ROR1: variants seen among roughly 807,000 people sequenced by gnomAD.
ROR1 encodes inactive tyrosine-protein kinase transmembrane receptor ROR1.
In ROR1, 19 loss-of-function variants were observed where a neutral mutation model predicts 78.8. The ratio of observed to expected loss-of-function variants is 0.24; its 90% confidence interval spans 0.17 to 0.35. The LOEUF is 0.35. ROR1 is among the 10% of genes least tolerant of loss of function. The pLI, the probability that ROR1 is intolerant of heterozygous loss-of-function variation, is 1.00. For synonymous variants in ROR1, 386 were observed against 433.6 expected, an observed-to-expected ratio of 0.89 and a Z score of 1.36; for missense variants, 917 against 1,177.8, an observed-to-expected ratio of 0.78 and a Z score of 3.24.
chr1:63,834,472 C>T (rs1645008114), intron 1 of ROR1, among the ~76,000 whole-genome samples: 1 of 152,264 alleles, frequency 6.6e-6, no homozygotes, highest in Non-Finnish European at 1.5e-5. Flanking sequence ...AGGAGGGGTA[C>T]TGCTGTTTAC....
At chr1:63,872,582 G>A (rs567366634) in intron 1 of ROR1, among the ~76,000 whole-genome samples, 1 of 152,154 alleles carries the variant, frequency 6.6e-6, no homozygotes, top group African/African-American at 2.4e-5. Context: ...ACACCACCAA[G>A]TTGAATTCCT....
chr1:64,066,318 CTTTT>C (rs747396331), intron 4 of ROR1, among the ~76,000 whole-genome samples: 1 of 139,864 alleles, frequency 7.1e-6, no homozygotes, highest in Non-Finnish European at 1.6e-5. Flanking sequence ...TTTAAACTCA[CTTTT>C]TTTTTTTTTT....
intron 2 of ROR1, among the ~76,000 whole-genome samples, chr1:64,040,240 A>G (rs1014245378): frequency 1.3e-5 from 2 of 152,188 alleles, no homozygotes; most frequent in African/African-American, 4.8e-5. Flanking sequence ...AAGATTGGGA[A>G]TATTTCACCA....
intron 1 of ROR1, among the ~76,000 whole-genome samples, chr1:63,789,875 G>A (rs12731519): frequency 6.6e-6 from 1 of 151,868 alleles, no homozygotes; most frequent in Admixed American, 6.6e-5. Context: ...ATTTTTCAAA[G>A]CAAGGATCCA....
At chr1:63,934,107 A>T (rs1243423983) in intron 1 of ROR1, among the ~76,000 whole-genome samples, 1 of 152,162 alleles carries the variant, frequency 6.6e-6, no homozygotes, top group Non-Finnish European at 1.5e-5. Flanking sequence ...TAAAGCAGTG[A>T]TAAACATCCC....
At chr1:63,780,536 A>G (rs1212707881) in intron 1 of ROR1, among the ~76,000 whole-genome samples, 2 of 152,238 alleles carry the variant, frequency 1.3e-5, no homozygotes, top group Admixed American at 1.3e-4. Context: ...AGCCACCATC[A>G]TTATCAAGGG....
At chr1:63,884,694 A>G (rs1006259268) in intron 1 of ROR1, among the ~76,000 whole-genome samples, 1 of 152,206 alleles carries the variant, frequency 6.6e-6, no homozygotes, top group Non-Finnish European at 1.5e-5. Flanking sequence ...GTCTGTCTCC[A>G]CAAACAACTC....
At chr1:63,853,172 C>T (rs1032883807) in intron 1 of ROR1, among the ~76,000 whole-genome samples, 1 of 152,208 alleles carries the variant, frequency 6.6e-6, no homozygotes, top group Non-Finnish European at 1.5e-5. Context: ...CTCCCAGCAT[C>T]ATAGTCACCA....
At chr1:63,838,692 G>T (rs752345366) in intron 1 of ROR1, among the ~76,000 whole-genome samples, 9 of 152,096 alleles carry the variant, frequency 5.9e-5, no homozygotes, top group Non-Finnish European at 1.0e-4. Context: ...TAAATCTAGT[G>T]TAGCCTAGGG....
intron 1 of ROR1, among the ~76,000 whole-genome samples, chr1:63,879,743 C>T (rs1444610827): frequency 3.3e-5 from 5 of 152,098 alleles, no homozygotes; most frequent in African/African-American, 9.7e-5. Context: ...GAACTTCCCT[C>T]AAAACAGACC....
In ROR1 at chr1:64,178,822, A is replaced by G. The variant is rs368985604; in HGVS notation, c.2781A>G (p.Gly927=). Residue 927 remains glycine (G), a synonymous_variant, in exon 9 of 9, where the codon GGA becomes GGG. Coordinates refer to ENST00000371079, the MANE Select transcript of ROR1 (RefSeq NM_005012.4). The surrounding 1 kb of genome is among the most constrained non-coding windows in gnomAD (Gnocchi z 4.3). ...ASLLGDANIH[G]HTESMISAEL ...TACTAGGAGACGCCAATATTCATGGACACACCGAATCTATGATTTCTGCAG... is the reference window on the plus strand; with the variant it reads ...TACTAGGAGACGCCAATATTCATGGGCACACCGAATCTATGATTTCTGCAG... 6.2e-6 allele frequency: 10 copies of G among 1,613,906 alleles called. No homozygotes were observed. In the African/African-American group the frequency reaches 1.1e-4, roughly 17 times the overall value.
rs553914649 is a variant in ROR1, at chr1:63,879,149, T to C, written c.91+104641T>C. ...AAAGCTTTATTTATTTAAATAGGAG[T>C]CTCATAAGGAAGGCAGAAAAAGGAA... On this transcript the variant is annotated intron_variant, in intron 1 of 8. Coordinates refer to ENST00000371079, the MANE Select transcript of ROR1 (RefSeq NM_005012.4). Among the ~76,000 whole-genome samples, 28 of 151,726 alleles carry C rather than the reference T, an allele frequency of 1.8e-4. No individual in the cohort carries two copies. The South Asian group carries it at 5.8e-3, about 32-fold the overall frequency.
chr1:63,877,647 T>C (rs1280322409), intron 1 of ROR1, among the ~76,000 whole-genome samples: 1 of 152,132 alleles, frequency 6.6e-6, no homozygotes, highest in African/African-American at 2.4e-5. Flanking sequence ...TAAATAGCAT[T>C]GCTTCTTACA....
At chr1:63,946,838 C>T (rs937061761) in intron 1 of ROR1, among the ~76,000 whole-genome samples, 6 of 152,176 alleles carry the variant, frequency 3.9e-5, no homozygotes, top group African/African-American at 9.7e-5. Context: ...TAATGCCAGA[C>T]GTGATCTTGT....
At chr1:64,162,749 A>G (rs1220644835) in intron 8 of ROR1, among the ~76,000 whole-genome samples, 2 of 152,210 alleles carry the variant, frequency 1.3e-5, no homozygotes, top group Non-Finnish European at 2.9e-5. Context: ...AGGATTTTCT[A>G]TATTGCATTA....
chr1:64,122,103 A>G (rs985509457), intron 4 of ROR1, among the ~76,000 whole-genome samples: 2 of 152,156 alleles, frequency 1.3e-5, no homozygotes, highest in Non-Finnish European at 2.9e-5. Flanking sequence ...GGAATTTTCT[A>G]TCTGATTCTC....
intron 1 of ROR1, among the ~76,000 whole-genome samples, chr1:63,905,118 T>G (rs1462798712): frequency 6.6e-6 from 1 of 152,032 alleles, no homozygotes; most frequent in Non-Finnish European, 1.5e-5. Context: ...TTTGTCTTAG[T>G]GCAGAGAACA....
intron 1 of ROR1, among the ~76,000 whole-genome samples, chr1:64,007,128 C>T (rs1570048287): frequency 1.3e-5 from 2 of 152,204 alleles, no homozygotes; most frequent in East Asian, 3.9e-4. Context: ...GTTTGAATTG[C>T]AATTCTTCCA....
intron 4 of ROR1, among the ~76,000 whole-genome samples, chr1:64,089,781 C>A (rs7533960): frequency 1.3e-5 from 2 of 151,960 alleles, no homozygotes; most frequent in South Asian, 4.1e-4. Context: ...GAAGATGATA[C>A]GGTTTGGTTG....
Sources: gnomAD v4.1 joint callset for allele counts (sites outside exome capture counted in the v4.1 genomes callset) on GRCh38, gnomAD v4.1.1 for gene constraint, Gnocchi (gnomAD v3.1) non-coding constraint, MANE v1.5 for transcripts, NCBI Gene and HGNC (gene_info 2026-07-23, HGNC 2026-07-21) for gene names.